SH3GLB1: variants seen among roughly 807,000 people sequenced by gnomAD.
SH3GLB1 encodes the protein SH3 domain containing GRB2 like, endophilin B1.
SH3GLB1 carries 17 observed loss-of-function variants against 42.0 expected under a neutral mutation model. The observed-to-expected ratio is 0.40, with a 90% confidence interval of 0.28 to 0.61. SH3GLB1 has a LOEUF of 0.61. Ranked by LOEUF, SH3GLB1 falls within the 20% of genes least tolerant of loss-of-function variation. The probability of loss-of-function intolerance (pLI) is 0.36; values close to 1 mark genes in which losing one functional copy is unlikely to be tolerated. For missense variants in SH3GLB1, 355 were observed against 426.3 expected (o/e 0.83, Z 1.47); for synonymous variants, 132 against 146.6 (o/e 0.90, Z 0.72).
chr1:86,734,591 TCTTA>T lies in SH3GLB1; in HGVS notation c.571-6_571-3del. On this transcript the variant is annotated splice_region_variant and splice_polypyrimidine_tract_variant and intron_variant, in intron 5 of 8. Transcript: ENST00000370558. The stretch of plus-strand genomic sequence containing the variant: ...TTCTAAAGAGATTCTAAAACTATAT[TCTTA>T]CTTAAGTCTGAACAGGAATTAAGAA... 1 of 1,591,942 alleles carries T rather than the reference TCTTA, an allele frequency of 6.3e-7. No homozygotes were observed. Among genetic ancestry groups the T allele is most frequent in the Non-Finnish European group, 8.6e-7 (1 of 1,160,822 alleles).
intron 1 of SH3GLB1, among the ~76,000 whole-genome samples, chr1:86,709,520 A>G (rs1273897090): frequency 6.6e-6 from 1 of 152,202 alleles, no homozygotes; most frequent in Non-Finnish European, 1.5e-5. Context: ...AACTTGTCAT[A>G]AATCTTATTT....
In SH3GLB1 at chr1:86,704,663, C is replaced by G. The variant is rs1653703742; in HGVS notation, c.-237C>G. 2 of 378,436 alleles carry G rather than the reference C, an allele frequency of 5.3e-6. No homozygotes were observed. Among genetic ancestry groups the G allele is most frequent in the Admixed American group, 5.0e-5 (1 of 19,912 alleles). 23.4% of individuals were successfully genotyped at this position (378,436 alleles called of 1,614,324 possible). On this transcript the variant is annotated 5_prime_UTR_variant, in exon 1 of 9. Transcript: ENST00000370558. ...GGGGCCCATCGTCGACGTTAGCGGCCGTTCTCCGAGCCGACTGACCCATCC... is the reference window on the plus strand; with the variant it reads ...GGGGCCCATCGTCGACGTTAGCGGCGGTTCTCCGAGCCGACTGACCCATCC...
At chr1:86,728,639 TG>T in intron 5 of SH3GLB1, 1 of 506,876 alleles carries the variant, frequency 2.0e-6, no homozygotes, top group Non-Finnish European at 3.5e-6. Flanking sequence ...GAAGTAATAC[TG>T]GAACTTTAAA....
At chr1:86,722,777 C>G in intron 4 of SH3GLB1, 104 bp downstream of exon 4, 1 of 925,650 alleles carries the variant, frequency 1.1e-6, no homozygotes, top group South Asian at 2.2e-5. Context: ...TAGTGGATTA[C>G]AAAATTAAAT....
At chr1:86,742,586 T>TA in intron 8 of SH3GLB1, 150 bp downstream of exon 8, 1 of 515,558 alleles carries the variant, frequency 1.9e-6, no homozygotes, top group Non-Finnish European at 3.4e-6. Flanking sequence ...ATTAATATTC[T>TA]TTAATAGAAT....
intron 1 of SH3GLB1, among the ~76,000 whole-genome samples, chr1:86,711,540 G>A (rs1366763586): frequency 6.6e-6 from 1 of 151,900 alleles, no homozygotes; most frequent in Non-Finnish European, 1.5e-5. Flanking sequence ...TTTATTTTAG[G>A]TTGTTTACAC....
At chr1:86,710,675 C>A (rs1468930817) in intron 1 of SH3GLB1, among the ~76,000 whole-genome samples, 1 of 152,188 alleles carries the variant, frequency 6.6e-6, no homozygotes, top group African/African-American at 2.4e-5. Flanking sequence ...TTAAAATGAT[C>A]AAACACCTAA....
intron 1 of SH3GLB1, among the ~76,000 whole-genome samples, chr1:86,709,249 T>C (rs981610782): frequency 1.3e-5 from 2 of 152,224 alleles, no homozygotes; most frequent in Non-Finnish European, 2.9e-5. Context: ...ATTCCCCTCT[T>C]ACAACATCTA....
chr1:86,717,546 A>G (rs1159959122), intron 2 of SH3GLB1, among the ~76,000 whole-genome samples: 1 of 151,934 alleles, frequency 6.6e-6, no homozygotes, highest in East Asian at 1.9e-4. Context: ...CTGCCTGCTG[A>G]GAGTAGCTGG....
At chr1:86,733,535 T>C (rs1276540101) in intron 5 of SH3GLB1, among the ~76,000 whole-genome samples, 1 of 151,894 alleles carries the variant, frequency 6.6e-6, no homozygotes, top group East Asian at 1.9e-4. Flanking sequence ...AACCTATCAT[T>C]ATAATGATGA....
rs1409836269 is a variant in SH3GLB1, at chr1:86,743,909, A to C, written c.*674A>C. ...TACCGTATTTCTCTGATAAATTTGT[A>C]GTTAAGGTTCTAGAAAATCTAGGAC... On this transcript the variant is annotated 3_prime_UTR_variant, in exon 9 of 9. Coordinates refer to ENST00000370558, the MANE Select transcript of SH3GLB1 (RefSeq NM_016009.5). 6.6e-6 allele frequency: 1 copy of C among 152,546 alleles called. No individual in the cohort carries two copies. The highest frequency in any genetic ancestry group is 2.4e-5 in the African/African-American group (1 of 41,414). 9.4% of individuals were successfully genotyped at this position (152,546 alleles called of 1,614,324 possible).
intron 1 of SH3GLB1, 61 bp downstream of exon 1, chr1:86,705,032 G>A: frequency 1.8e-6 from 2 of 1,142,578 alleles, no homozygotes; most frequent in Non-Finnish European, 2.5e-6. Flanking sequence ...GGAGGGGACC[G>A]CAGCTCGACG....
chr1:86,726,514 T>C (rs911744374), intron 5 of SH3GLB1, among the ~76,000 whole-genome samples: 1 of 146,632 alleles, frequency 6.8e-6, no homozygotes, highest in Admixed American at 6.8e-5. Flanking sequence ...GGAATTTATG[T>C]TTAAAGTAAA....
intron 7 of SH3GLB1, among the ~76,000 whole-genome samples, chr1:86,738,172 C>T (rs532153665): frequency 1.1e-3 from 168 of 152,248 alleles, no homozygotes; most frequent in African/African-American, 4.0e-3. Flanking sequence ...ATGGCAGTGG[C>T]TTGGATCAGG....
At position 86,724,372 on chromosome 1, in the gene SH3GLB1, A is replaced by G. The variant is rs1655040219; in HGVS notation, c.537A>G (p.Leu179=). The G allele has an allele frequency of 1.2e-6, 2 of 1,602,308 alleles. No individual in the cohort carries two copies. The highest frequency in any genetic ancestry group is 1.7e-6 in the Non-Finnish European group (2 of 1,175,950). ...ATTTGGATGCTGCAAAAACGAGACT[A>G]AAAAAGGCAAAAGCTGCAGAAACTA... ...RLDLDAAKTR[L]KKAKAAETRN... The change falls in exon 5 of 9, where the codon CTA becomes CTG. Residue 179 remains leucine (L), a synonymous_variant. Transcript: ENST00000370558.
intron 4 of SH3GLB1, among the ~76,000 whole-genome samples, chr1:86,723,139 A>G (rs957702890): frequency 2.6e-5 from 4 of 152,232 alleles, no homozygotes; most frequent in African/African-American, 9.6e-5. Context: ...AACTTTGAAT[A>G]TGTTCACAAT....
intron 3 of SH3GLB1, among the ~76,000 whole-genome samples, chr1:86,722,010 CTT>C (rs377380040): frequency 1.1e-4 from 12 of 111,598 alleles, no homozygotes; most frequent in Non-Finnish European, 1.4e-4. Flanking sequence ...AGGCAACCAT[CTT>C]TTTTTTTTTT....
chr1:86,712,161 A>G (rs546148683), intron 1 of SH3GLB1, among the ~76,000 whole-genome samples: 12 of 152,286 alleles, frequency 7.9e-5, no homozygotes, highest in African/African-American at 2.9e-4. Context: ...TGATAGCATT[A>G]GCAATGTCCT....
intron 1 of SH3GLB1, among the ~76,000 whole-genome samples, chr1:86,712,325 A>G (rs1360252148): frequency 6.6e-6 from 1 of 152,188 alleles, no homozygotes; most frequent in African/African-American, 2.4e-5. Context: ...AAGGAAGCAC[A>G]GAATATGATT....
Sources: gnomAD v4.1 joint callset for allele counts (sites outside exome capture counted in the v4.1 genomes callset) on GRCh38, gnomAD v4.1.1 for gene constraint, MANE v1.5 for transcripts, NCBI Gene and HGNC (gene_info 2026-07-23, HGNC 2026-07-21) for gene names.